STX2: variants seen among roughly 807,000 people sequenced by gnomAD.
The protein encoded by STX2 is syntaxin-2.
A neutral mutation model predicts 40.6 loss-of-function variants in STX2; 27 were observed. The ratio of observed to expected loss-of-function variants is 0.66; its 90% CI spans 0.49 to 0.92. The LOEUF is 0.92. Ranked by LOEUF, STX2 falls within the 40% of genes least tolerant of loss-of-function variation. The probability of loss-of-function intolerance (pLI) is 0.00; values close to 1 mark genes in which losing one functional copy is unlikely to be tolerated. For synonymous variants in STX2, 123 were observed against 119.1 expected, an observed-to-expected ratio of 1.03 and a Z score of -0.22; for missense variants, 328 against 366.1, an observed-to-expected ratio of 0.90 and a Z score of 0.85.
At chr12:130,810,463 G>A (rs1286652561) in intron 4 of STX2, 1 of 152,222 alleles carries the variant, frequency 6.6e-6, no homozygotes, top group Non-Finnish European at 1.5e-5. Context: ...GCTGACCTCG[G>A]TGTCTAGATC....
rs1309801566 is a variant in STX2, at chr12:130,798,648, A to G, written c.676-13T>C. The G allele has an allele frequency of 2.5e-6, 4 of 1,573,212 alleles. No homozygotes were observed. Among genetic ancestry groups the G allele is most frequent in the Non-Finnish European group, 3.4e-6 (4 of 1,164,852 alleles). ...TGATCATTTCACCCTTAAAACAAAA[A>G]GTTTCAAACTTAGAAGACATTTTCA... is the stretch of plus-strand genomic sequence containing the variant. On this transcript the variant is annotated splice_polypyrimidine_tract_variant and intron_variant, in intron 8 of 10. Transcript: ENST00000392373.
chr12:130,791,542 G>C lies in STX2; in HGVS notation c.*481C>G, dbSNP rs7976861. 7,605 of 154,254 alleles carry C rather than the reference G, an allele frequency of 0.049. 618 individuals are homozygous for C. The highest frequency in any genetic ancestry group is 0.17 in the African/African-American group (6,946 of 40,360). 9.6% of individuals were successfully genotyped at this position (154,254 alleles called of 1,614,324 possible). A position where few individuals can be genotyped will look rare whatever the true frequency, so the allele number is the denominator to read the frequency against. On this transcript the variant is annotated 3_prime_UTR_variant, in exon 11 of 11. Transcript: ENST00000392373. ...CTCCGTCTCAAAAAAAAAAAAAAAA[G>C]CCTTCATAACATAAAGCATTCCTTC...
At chr12:130,820,017 T>G (rs1359203042) in intron 3 of STX2, among the ~76,000 whole-genome samples, 1 of 152,244 alleles carries the variant, frequency 6.6e-6, no homozygotes, top group Non-Finnish European at 1.5e-5. Flanking sequence ...CTTTTTCAAT[T>G]TAATACTACT....
At chr12:130,827,561 C>G (rs1952369775) in intron 1 of STX2, among the ~76,000 whole-genome samples, 1 of 152,216 alleles carries the variant, frequency 6.6e-6, no homozygotes, top group South Asian at 2.1e-4. Flanking sequence ...GTCAATATAA[C>G]ACAGGCCAGT....
chr12:130,794,815 A>G (rs1297897917), intron 10 of STX2, among the ~76,000 whole-genome samples: 1 of 152,212 alleles, frequency 6.6e-6, no homozygotes, highest in African/African-American at 2.4e-5. Context: ...GGTGACTATC[A>G]AGTCTGCAGT....
chr12:130,818,553 G>C (rs1206482749), intron 3 of STX2, among the ~76,000 whole-genome samples: 1 of 152,186 alleles, frequency 6.6e-6, no homozygotes, highest in Non-Finnish European at 1.5e-5. Context: ...CAGAGGCGCG[G>C]CTTCCTCCAG....
intron 4 of STX2, among the ~76,000 whole-genome samples, chr12:130,810,311 TTTATTC>T (rs1177559627): frequency 2.6e-5 from 4 of 152,224 alleles, no homozygotes; most frequent in Non-Finnish European, 5.9e-5. Context: ...TAGTCCTTCC[TTTATTC>T]TTAATTTAAT....
At chr12:130,816,196 A>G (rs551253058) in intron 3 of STX2, among the ~76,000 whole-genome samples, 4 of 152,342 alleles carry the variant, frequency 2.6e-5, no homozygotes, top group Admixed American at 1.3e-4. Context: ...GCCTGAGCAC[A>G]GCTGAGGACG....
At position 130,836,876 on chromosome 12, in the gene STX2, T is replaced by C. The variant is rs552190787; in HGVS notation, c.30+2194A>G. Among the ~76,000 whole-genome samples, 137 of 152,336 alleles carry C rather than the reference T, an allele frequency of 9.0e-4. 1 individual carries two copies. Among genetic ancestry groups the C allele is most frequent in the Admixed American group, 6.0e-3 (92 of 15,304 alleles). Reference sequence around the variant, plus strand: ...CTGCTGTGTCTAAAGCAGGATGGTATTGAAGTAGATGAGCTGACTTCTAGC... The same window carrying C: ...CTGCTGTGTCTAAAGCAGGATGGTACTGAAGTAGATGAGCTGACTTCTAGC... On this transcript the variant is annotated intron_variant, in intron 1 of 10. Transcript: ENST00000392373.
intron 3 of STX2, among the ~76,000 whole-genome samples, chr12:130,819,098 C>T (rs1304422374): frequency 2.0e-5 from 3 of 152,208 alleles, no homozygotes; most frequent in Non-Finnish European, 4.4e-5. Flanking sequence ...TGGCGCGGCG[C>T]GGGCGGTGCT....
At chr12:130,815,378 C>T (rs1374168710) in intron 3 of STX2, among the ~76,000 whole-genome samples, 1 of 152,192 alleles carries the variant, frequency 6.6e-6, no homozygotes, top group African/African-American at 2.4e-5. Context: ...CTGAGCGTGA[C>T]GACGGGGTGT....
chr12:130,836,529 C>T (rs1593201040), intron 1 of STX2, among the ~76,000 whole-genome samples: 1 of 152,200 alleles, frequency 6.6e-6, no homozygotes, highest in African/African-American at 2.4e-5. Flanking sequence ...CCACCTCAGC[C>T]TCCCAAAGTG....
chr12:130,836,273 TTC>T (rs1304522612), intron 1 of STX2, among the ~76,000 whole-genome samples: 2 of 152,194 alleles, frequency 1.3e-5, no homozygotes, highest in Non-Finnish European at 2.9e-5. Context: ...GGTTGTTCTT[TTC>T]TCTTTTTTTG....
At chr12:130,805,814 C>G (rs1951409546) in intron 6 of STX2, among the ~76,000 whole-genome samples, 4 of 152,168 alleles carry the variant, frequency 2.6e-5, no homozygotes. Flanking sequence ...GTAACGTTCA[C>G]AATGTCTGGC....
At chr12:130,832,143 G>A (rs999462235) in intron 1 of STX2, among the ~76,000 whole-genome samples, 3 of 151,654 alleles carry the variant, frequency 2.0e-5, no homozygotes, top group Non-Finnish European at 2.9e-5. Context: ...GACTACACCC[G>A]GCCTGCCTCT....
chr12:130,816,388 G>C (rs902398791), intron 3 of STX2, among the ~76,000 whole-genome samples: 2 of 151,128 alleles, frequency 1.3e-5, no homozygotes, highest in African/African-American at 4.9e-5. Flanking sequence ...ACTCATGACG[G>C]AGTGAACTTG....
At chr12:130,837,150 C>T (rs2136374613) in intron 1 of STX2, among the ~76,000 whole-genome samples, 1 of 150,946 alleles carries the variant, frequency 6.6e-6, no homozygotes, top group African/African-American at 2.4e-5. Flanking sequence ...CTCTGTCACC[C>T]AGGCGGGAGT....
At chr12:130,832,694 G>A (rs1185049683) in intron 1 of STX2, among the ~76,000 whole-genome samples, 1 of 152,144 alleles carries the variant, frequency 6.6e-6, no homozygotes, top group Non-Finnish European at 1.5e-5. Flanking sequence ...CTTACACCAG[G>A]CCGTGGAGAC....
At chr12:130,822,782 ATGTG>A (rs1169166209) in intron 2 of STX2, among the ~76,000 whole-genome samples, 3 of 152,124 alleles carry the variant, frequency 2.0e-5, no homozygotes, top group Admixed American at 2.0e-4. Context: ...AGAGGCTGCA[ATGTG>A]TGTGTGTGAA....
Sources: allele counts gnomAD v4.1 joint callset (sites outside exome capture counted in the v4.1 genomes callset), GRCh38; gene constraint gnomAD v4.1.1; transcripts MANE v1.5; gene names NCBI Gene and HGNC (gene_info 2026-07-23, HGNC 2026-07-21).